CELA3B: variants seen among roughly 807,000 people sequenced by gnomAD.
The protein encoded by CELA3B is chymotrypsin-like elastase family member 3B.
Under a neutral mutation model 37.2 loss-of-function variants are expected in CELA3B, and 34 were observed. That is an observed-to-expected ratio of 0.91 (90% CI 0.70 to 1.22). The LOEUF (loss-of-function observed/expected upper bound fraction) is 1.22, where lower values mean the gene tolerates loss of function less well. Among genes scored for constraint, CELA3B ranks in the 50% most tolerant of loss-of-function variants. The pLI, the probability that CELA3B is intolerant of heterozygous loss-of-function variation, is 0.00. For synonymous variants in CELA3B, 127 were observed against 143.5 expected (o/e 0.89, Z 0.82); for missense variants, 340 against 363.1 (o/e 0.94, Z 0.52).
chr1:21,997,490 A>C (rs1355553723), intron 4 of CELA3B, among the ~76,000 whole-genome samples: 1 of 150,722 alleles, frequency 6.6e-6, no homozygotes, highest in Non-Finnish European at 1.5e-5. Context: ...GAGTTTGAGA[A>C]CAGCCTGGCC....
intron 4 of CELA3B, among the ~76,000 whole-genome samples, chr1:21,981,407 G>A (rs1431419889): frequency 1.4e-4 from 21 of 151,304 alleles, no homozygotes; most frequent in Admixed American, 2.0e-4. Flanking sequence ...AGGGAGGGGC[G>A]GGAACTCTGC....
At chr1:21,993,568 G>A (rs1386762621), downstream of CELA3B, among the ~76,000 whole-genome samples, 1 of 150,652 alleles carries the variant, frequency 6.6e-6, no homozygotes, top group Admixed American at 6.6e-5. Context: ...TTTTTTCTAC[G>A]CAGTCTCGCT....
intron 1 of CELA3B, 56 bp downstream of exon 1, chr1:21,977,138 G>C (rs1287242363): frequency 1.2e-6 from 2 of 1,610,196 alleles, no homozygotes; most frequent in African/African-American, 1.3e-5. Context: ...AGGAATCCTT[G>C]AAATCTACCA....
Position 21,986,548 on chromosome 1 carries a change from C to T in CELA3B, c.660C>T (p.Pro220=). 1 of 1,614,014 alleles carries T rather than the reference C, an allele frequency of 6.2e-7. No individual in the cohort carries two copies. Among genetic ancestry groups the T allele is most frequent in the South Asian group, 1.1e-5 (1 of 91,076 alleles). The change falls in exon 7 of 8, where the codon CCC becomes CCT. Residue 220 remains proline, a synonymous_variant. Transcript: ENST00000337107. The part of the protein sequence containing the change: ...RSGCNGDSGG[P]LNCPTEDGGW... Reference sequence around the variant, plus strand: ...GGTTCCAGGGTGACTCTGGAGGACCCCTCAACTGCCCCACAGAGGATGGTG... The same window carrying T: ...GGTTCCAGGGTGACTCTGGAGGACCTCTCAACTGCCCCACAGAGGATGGTG...
intron 6 of CELA3B, among the ~76,000 whole-genome samples, chr1:21,984,874 G>A (rs1644828411): frequency 6.6e-6 from 1 of 152,016 alleles, no homozygotes; most frequent in Non-Finnish European, 1.5e-5. Context: ...TAGAGCCCAG[G>A]AGGCAGAGGT....
chr1:21,997,377 A>T (rs1644895242), intron 4 of CELA3B, among the ~76,000 whole-genome samples: 1 of 117,916 alleles, frequency 8.5e-6, no homozygotes, highest in South Asian at 2.9e-4. Flanking sequence ...GCAAGACAAG[A>T]GCAAGACTCG....
At chr1:21,979,723 G>A (rs1644793786) in intron 2 of CELA3B, among the ~76,000 whole-genome samples, 1 of 150,794 alleles carries the variant, frequency 6.6e-6, no homozygotes, top group Admixed American at 6.6e-5. Flanking sequence ...CACAGTGCTG[G>A]GATTATAGGC....
At chr1:21,993,062 C>T (rs974406248), downstream of CELA3B, among the ~76,000 whole-genome samples, 9 of 151,186 alleles carry the variant, frequency 6.0e-5, no homozygotes, top group Non-Finnish European at 1.0e-4. Flanking sequence ...TCACAATATC[C>T]GCTTTTAAGA....
downstream of CELA3B, among the ~76,000 whole-genome samples, chr1:21,992,607 G>C (rs1644873681): frequency 6.6e-6 from 1 of 151,566 alleles, no homozygotes; most frequent in African/African-American, 2.4e-5. Context: ...TTAGGGTCTG[G>C]TGGTGGATGA....
rs1343923910 is a variant in CELA3B, at chr1:21,983,461, C to A, written c.363-233C>A. ...TTCAGGAGGTGAAAGCAGGAGGATC[C>A]CTTGGCCCAGGAGGCTGCAGTGAGC... On this transcript the variant is annotated intron_variant, in intron 4 of 7. Transcript: ENST00000337107. Among the ~76,000 whole-genome samples, 5 of 152,070 alleles carry A rather than the reference C, an allele frequency of 3.3e-5. No individual in the cohort carries two copies. In the East Asian group the frequency reaches 9.6e-4, roughly 29 times the overall value.
chr1:21,997,085 C>T (rs1361275604), intron 4 of CELA3B, among the ~76,000 whole-genome samples: 1 of 151,350 alleles, frequency 6.6e-6, no homozygotes, highest in Non-Finnish European at 1.5e-5. Context: ...TCCCGCCGGG[C>T]GTGGTGGCTC....
chr1:21,995,058 T>C (rs1055482995), intron 4 of CELA3B, among the ~76,000 whole-genome samples: 3 of 149,044 alleles, frequency 2.0e-5, no homozygotes, highest in Non-Finnish European at 3.0e-5. Flanking sequence ...GAGTGTCCTG[T>C]TGTTTGCATC....
At chr1:21,991,890 C>T (rs1167340910), downstream of CELA3B, among the ~76,000 whole-genome samples, 7 of 150,848 alleles carry the variant, frequency 4.6e-5, no homozygotes, top group Non-Finnish European at 8.8e-5. Flanking sequence ...GAGGCTGAGG[C>T]CAGTGGATCA....
At chr1:21,980,510 C>A (rs58363133) in intron 2 of CELA3B, among the ~76,000 whole-genome samples, 1 of 149,764 alleles carries the variant, frequency 6.7e-6, no homozygotes, top group Non-Finnish European at 1.5e-5. Context: ...GCGAGGGGTG[C>A]GTGATAGAAC....
intron 7 of CELA3B, chr1:21,987,777 T>C (rs1355912224): frequency 6.7e-6 from 1 of 149,112 alleles, no homozygotes; most frequent in Non-Finnish European, 1.5e-5. Flanking sequence ...AGCCTCTCTC[T>C]TAAAAAAATG....
At chr1:21,982,447 A>G (rs1166391650) in intron 4 of CELA3B, among the ~76,000 whole-genome samples, 2 of 141,038 alleles carry the variant, frequency 1.4e-5, no homozygotes, top group East Asian at 2.1e-4. Context: ...ATTAAAAAAA[A>G]TTAGCCAGGT....
intron 4 of CELA3B, among the ~76,000 whole-genome samples, chr1:21,982,723 G>T (rs1644812634): frequency 1.3e-5 from 2 of 152,088 alleles, no homozygotes; most frequent in African/African-American, 4.8e-5. Context: ...TGTCACCCAG[G>T]CTGGAGTGCA....
intron 4 of CELA3B, among the ~76,000 whole-genome samples, chr1:21,994,694 T>C (rs904183990): frequency 6.6e-6 from 1 of 150,962 alleles, no homozygotes; most frequent in Admixed American, 6.6e-5. Flanking sequence ...TGAAGTCCTG[T>C]GAGACTGTAC....
downstream of CELA3B, among the ~76,000 whole-genome samples, chr1:21,991,966 C>G (rs1477839115): frequency 7.0e-6 from 1 of 143,398 alleles, no homozygotes; most frequent in Non-Finnish European, 1.5e-5. Context: ...CTAAAAAATA[C>G]AAAATTAGGC....
Sources: allele counts gnomAD v4.1 joint callset (sites outside exome capture counted in the v4.1 genomes callset), GRCh38; gene constraint gnomAD v4.1.1; transcripts MANE v1.5; gene names NCBI Gene and HGNC (gene_info 2026-07-23, HGNC 2026-07-21).